DAB1: variants seen among roughly 807,000 people sequenced by gnomAD.
DAB1 encodes disabled homolog 1.
In DAB1, 15 loss-of-function variants were observed where a neutral mutation model predicts 64.6. The ratio of observed to expected loss-of-function variants is 0.23; its 90% CI spans 0.16 to 0.36. The LOEUF (loss-of-function observed/expected upper bound fraction) is 0.36, where lower values mean the gene tolerates loss of function less well. Among genes scored for constraint, DAB1 ranks in the 10% least tolerant of loss-of-function variants. The pLI is 1.00. For missense variants in DAB1, 596 were observed against 706.7 expected, an observed-to-expected ratio of 0.84 and a Z score of 1.78; for synonymous variants, 235 against 251.9, an observed-to-expected ratio of 0.93 and a Z score of 0.64.
At chr1:57,729,403 C>T (rs547915053) in intron 6 of DAB1, among the ~76,000 whole-genome samples, 1 of 152,202 alleles carries the variant, frequency 6.6e-6, no homozygotes, top group African/African-American at 2.4e-5. Flanking sequence ...CCCCGCTGCC[C>T]GCCACATCCT....
At chr1:58,169,055 C>G (rs778237114) in intron 4 of DAB1, among the ~76,000 whole-genome samples, 6 of 152,192 alleles carry the variant, frequency 3.9e-5, no homozygotes, top group Non-Finnish European at 8.8e-5. Context: ...GTTTCTGCTG[C>G]TACGTTGATG....
chr1:57,486,070 T>C (rs1477719505), intron 7 of DAB1, among the ~76,000 whole-genome samples: 1 of 152,216 alleles, frequency 6.6e-6, no homozygotes, highest in East Asian at 1.9e-4. Flanking sequence ...AAACACTTGA[T>C]CCTTAGGAGT....
At chr1:57,927,736 T>C (rs774202521) in intron 5 of DAB1, among the ~76,000 whole-genome samples, 1 of 152,200 alleles carries the variant, frequency 6.6e-6, no homozygotes, top group Non-Finnish European at 1.5e-5. Context: ...AAACAATGCA[T>C]ACCTTTCAGG....
chr1:57,095,470 C>T (rs1654072854), intron 4 of DAB1, among the ~76,000 whole-genome samples: 1 of 152,192 alleles, frequency 6.6e-6, no homozygotes, highest in Admixed American at 6.5e-5. Context: ...ACTGCTACTT[C>T]CTACCTGTCT....
At chr1:57,959,058 C>A (rs1404221024) in intron 5 of DAB1, among the ~76,000 whole-genome samples, 2 of 152,186 alleles carry the variant, frequency 1.3e-5, no homozygotes, top group Admixed American at 6.5e-5. Flanking sequence ...AGGCTCCTGG[C>A]AAGTAGCAGG....
intron 7 of DAB1, among the ~76,000 whole-genome samples, chr1:57,629,827 A>G (rs111983574): frequency 5.9e-5 from 9 of 151,522 alleles, no homozygotes; most frequent in African/African-American, 2.2e-4. Flanking sequence ...TTGTCATAGC[A>G]TTACAAAGGT....
chr1:58,202,614 A>AG (rs1397516418), intron 4 of DAB1, among the ~76,000 whole-genome samples: 2 of 152,262 alleles, frequency 1.3e-5, no homozygotes, highest in Admixed American at 1.3e-4. Flanking sequence ...CAAAGTTGTG[A>AG]GAATCACATG....
intron 6 of DAB1, among the ~76,000 whole-genome samples, chr1:57,705,737 C>T (rs928109812): frequency 4.6e-5 from 7 of 151,980 alleles, no homozygotes; most frequent in Admixed American, 6.6e-5. Flanking sequence ...ATTTTTAAAT[C>T]GACAGAGTAG....
At chr1:57,984,342 C>T (rs1318733260) in intron 5 of DAB1, among the ~76,000 whole-genome samples, 2 of 152,068 alleles carry the variant, frequency 1.3e-5, no homozygotes, top group Non-Finnish European at 2.9e-5. Context: ...ATTAATATTT[C>T]CCCCTAATTA....
intron 4 of DAB1, among the ~76,000 whole-genome samples, chr1:58,156,699 G>T (rs1655247713): frequency 6.6e-6 from 1 of 152,140 alleles, no homozygotes; most frequent in African/African-American, 2.4e-5. Flanking sequence ...GAGAAGGCAG[G>T]CTGCACAGAA....
chr1:58,385,810 T>C (rs751715160), intron 3 of DAB1, among the ~76,000 whole-genome samples: 2 of 152,206 alleles, frequency 1.3e-5, no homozygotes, highest in Non-Finnish European at 2.9e-5. Context: ...GGGAGTCAAA[T>C]GGAGATCAAG....
intron 4 of DAB1, among the ~76,000 whole-genome samples, chr1:58,300,239 T>C (rs995596409): frequency 3.9e-5 from 6 of 151,938 alleles, no homozygotes; most frequent in Non-Finnish European, 7.4e-5. Context: ...TTTTGGAAGG[T>C]ACTGCTGCTT....
chr1:57,002,697 G>T (rs776419383), intron 14 of DAB1, among the ~76,000 whole-genome samples: 1 of 152,200 alleles, frequency 6.6e-6, no homozygotes, highest in African/African-American at 2.4e-5. Context: ...TATGCTGATG[G>T]TATGTGAAAT....
At chr1:58,411,658 T>C (rs1328530196) in intron 3 of DAB1, among the ~76,000 whole-genome samples, 1 of 152,116 alleles carries the variant, frequency 6.6e-6, no homozygotes, top group African/African-American at 2.4e-5. Context: ...AGAAAGTGTA[T>C]ACTGTTCAAA....
intron 7 of DAB1, among the ~76,000 whole-genome samples, chr1:57,435,994 G>A (rs1202090879): frequency 7.1e-6 from 1 of 140,694 alleles, no homozygotes; most frequent in African/African-American, 2.7e-5. Flanking sequence ...TCAGCTTACT[G>A]CAACTTCTGC....
At chr1:58,182,874 T>G (rs10889085) in intron 4 of DAB1, among the ~76,000 whole-genome samples, 17,086 of 152,020 alleles carry the variant, frequency 0.11, 1,330 homozygotes, top group East Asian at 0.29. Context: ...TCTTGTTTTT[T>G]TTGTTGTTGT....
chr1:57,903,230 T>C (rs1328899849), intron 5 of DAB1, among the ~76,000 whole-genome samples: 1 of 152,164 alleles, frequency 6.6e-6, no homozygotes, highest in Non-Finnish European at 1.5e-5. Context: ...AGCCAAACCC[T>C]ATCAGCATCG....
chr1:57,007,027 T>C (rs1646096074), intron 14 of DAB1, among the ~76,000 whole-genome samples: 1 of 152,092 alleles, frequency 6.6e-6, no homozygotes. Context: ...CCTCCTTTTT[T>C]TTCTCTCTCT....
At chr1:57,330,081 GA>G (rs1676527597) in intron 1 of DAB1, among the ~76,000 whole-genome samples, 1 of 152,106 alleles carries the variant, frequency 6.6e-6, no homozygotes, top group Non-Finnish European at 1.5e-5. Flanking sequence ...TCATATTTAG[GA>G]ATGCAGTTCA....
Sources: gnomAD v4.1 joint callset for allele counts (sites outside exome capture counted in the v4.1 genomes callset) on GRCh38, gnomAD v4.1.1 for gene constraint, MANE v1.5 for transcripts, NCBI Gene and HGNC (gene_info 2026-07-23, HGNC 2026-07-21) for gene names.